Variants in WDPCP observed in about 807,000 individuals in gnomAD.
The protein encoded by WDPCP is WD repeat-containing and planar cell polarity effector protein fritz homolog.
A neutral mutation model predicts 93.1 loss-of-function variants in WDPCP; 71 were observed. The ratio of observed to expected loss-of-function variants is 0.76; its 90% CI spans 0.63 to 0.93. The LOEUF (loss-of-function observed/expected upper bound fraction) is 0.93. Ranked by LOEUF, WDPCP falls within the 40% of genes least tolerant of loss-of-function variation. The pLI is 0.00. For missense variants in WDPCP, 844 were observed against 887.4 expected, an observed-to-expected ratio of 0.95 and a Z score of 0.62; for synonymous variants, 315 against 315.0, an observed-to-expected ratio of 1.00 and a Z score of 0.00.
intron 15 of WDPCP, among the ~76,000 whole-genome samples, chr2:63,161,436 G>A (rs768479262): frequency 3.3e-5 from 5 of 152,148 alleles, no homozygotes; most frequent in Non-Finnish European, 7.3e-5. Context: ...ATGGCACAGA[G>A]ATAATAAATA....
At chr2:63,305,643 G>C (rs1421388008) in intron 13 of WDPCP, among the ~76,000 whole-genome samples, 1 of 152,108 alleles carries the variant, frequency 6.6e-6, no homozygotes, top group Non-Finnish European at 1.5e-5. Flanking sequence ...CCAGAAAGCT[G>C]CTTCTCCTCC....
chr2:63,637,460 A>G (rs1018627423), intron 3 of WDPCP, among the ~76,000 whole-genome samples: 2 of 151,838 alleles, frequency 1.3e-5, no homozygotes, highest in Non-Finnish European at 2.9e-5. Context: ...AAACTAAACA[A>G]TCAACAAAAT....
At chr2:63,622,707 C>T (rs954615678) in intron 3 of WDPCP, 158 of 1,613,480 alleles carry the variant, frequency 9.8e-5, no homozygotes, top group African/African-American at 3.9e-4. Flanking sequence ...GGTCACCTCC[C>T]GGTGTACTAT....
intron 13 of WDPCP, among the ~76,000 whole-genome samples, chr2:63,293,127 A>T (rs1684570076): frequency 6.6e-6 from 1 of 152,126 alleles, no homozygotes; most frequent in South Asian, 2.1e-4. Flanking sequence ...CCTTGCCTGA[A>T]GTGACTTGTA....
At chr2:63,602,123 A>G (rs1322938887) in intron 3 of WDPCP, among the ~76,000 whole-genome samples, 3 of 152,244 alleles carry the variant, frequency 2.0e-5, no homozygotes, top group Non-Finnish European at 2.9e-5. Flanking sequence ...TAGATCGGTC[A>G]AAAGTGATTT....
At chr2:63,602,640 A>G (rs1021132184) in intron 3 of WDPCP, among the ~76,000 whole-genome samples, 1 of 152,164 alleles carries the variant, frequency 6.6e-6, no homozygotes, top group Admixed American at 6.5e-5. Flanking sequence ...GTCAAGGTAC[A>G]GAATTTCTTC....
rs945636285 is a variant in WDPCP, at chr2:63,594,430, T to G, written n.488+56229A>C. The G allele has an allele frequency of 4.9e-6, 6 of 1,230,178 alleles. No homozygotes were observed. In the East Asian group the frequency reaches 1.2e-4, roughly 24 times the overall value. 76.2% of individuals were successfully genotyped at this position (1,230,178 alleles called of 1,614,324 possible). On this transcript the variant is annotated intron_variant and non_coding_transcript_variant, in intron 3 of 4. Transcript: ENST00000467687. ...GATTTCTTACTATAGATTAAAATCC[T>G]GGATATTTTTAAGGTACAGTAGTAC...
intron 14 of WDPCP, among the ~76,000 whole-genome samples, chr2:63,187,196 G>T (rs1393069064): frequency 6.6e-6 from 1 of 152,002 alleles, no homozygotes; most frequent in Non-Finnish European, 1.5e-5. Flanking sequence ...CTGTCTTTTG[G>T]TTATTGTCTG....
intron 1 of WDPCP, among the ~76,000 whole-genome samples, chr2:63,557,213 A>G (rs1414989348): frequency 6.6e-6 from 1 of 152,222 alleles, no homozygotes; most frequent in Admixed American, 6.5e-5. Flanking sequence ...ACACAGAATG[A>G]CAAGCTAGAT....
intron 1 of WDPCP, among the ~76,000 whole-genome samples, chr2:63,567,104 A>C (rs943106451): frequency 2.0e-5 from 3 of 152,130 alleles, no homozygotes; most frequent in African/African-American, 7.2e-5. Context: ...GTGTTCACCA[A>C]CCCAGAAGCT....
chr2:63,290,052 T>G (rs986855068), intron 13 of WDPCP, among the ~76,000 whole-genome samples: 3 of 152,054 alleles, frequency 2.0e-5, no homozygotes, highest in African/African-American at 7.2e-5. Context: ...AAAATTCATG[T>G]CTGCTTTTTG....
At chr2:63,666,614 T>C (rs1296844573) in intron 2 of WDPCP, among the ~76,000 whole-genome samples, 1 of 152,230 alleles carries the variant, frequency 6.6e-6, no homozygotes, top group East Asian at 1.9e-4. Context: ...TGTGTGCTAA[T>C]GACTGATTCT....
At chr2:63,397,501 T>G (rs2105100779) in intron 10 of WDPCP, among the ~76,000 whole-genome samples, 1 of 152,126 alleles carries the variant, frequency 6.6e-6, no homozygotes, top group East Asian at 1.9e-4. Flanking sequence ...ATAACAAAAC[T>G]GAAAATAAAG....
intron 2 of WDPCP, among the ~76,000 whole-genome samples, chr2:63,775,767 G>T (rs1188033610): frequency 1.3e-5 from 2 of 152,150 alleles, no homozygotes; most frequent in Non-Finnish European, 2.9e-5. Flanking sequence ...ACTATCTTCT[G>T]TTGTTTTATG....
intron 14 of WDPCP, among the ~76,000 whole-genome samples, chr2:63,233,873 T>G (rs1679145134): frequency 6.6e-6 from 1 of 152,102 alleles, no homozygotes; most frequent in African/African-American, 2.4e-5. Flanking sequence ...AGCCTCTTGC[T>G]CAGCCAAGGT....
At position 63,801,635 on chromosome 2, in the gene WDPCP, G is replaced by T. The variant is rs187349212; in HGVS notation, n.308+11987C>A. Among the ~76,000 whole-genome samples, 16 of 152,292 alleles carry T rather than the reference G, an allele frequency of 1.1e-4. No homozygotes were observed. In the South Asian group the frequency reaches 1.7e-3, roughly 16 times the overall value. On this transcript the variant is annotated intron_variant and non_coding_transcript_variant, in intron 2 of 4. Coordinates refer to the WDPCP transcript ENST00000467687. ...TACTTTTAGAATCCTGCTGATTGGTGCATTTTACAGAACACTGATTGGTGC... is the reference window on the plus strand; with the variant it reads ...TACTTTTAGAATCCTGCTGATTGGTTCATTTTACAGAACACTGATTGGTGC...
intron 1 of WDPCP, among the ~76,000 whole-genome samples, chr2:63,528,913 T>A (rs1053310851): frequency 1.3e-5 from 2 of 152,240 alleles, no homozygotes; most frequent in Admixed American, 1.3e-4. Context: ...GTAGTTCTCC[T>A]TGAAGAGGTT....
At chr2:63,277,246 A>C (rs894039647) in intron 13 of WDPCP, among the ~76,000 whole-genome samples, 1 of 152,148 alleles carries the variant, frequency 6.6e-6, no homozygotes, top group Non-Finnish European at 1.5e-5. Context: ...TCTTGAAATA[A>C]ATCCTCAAAA....
At chr2:63,147,850 TCTCAGCTA>T (rs1342847426) in intron 17 of WDPCP, among the ~76,000 whole-genome samples, 2 of 151,780 alleles carry the variant, frequency 1.3e-5, no homozygotes, top group African/African-American at 2.4e-5. Flanking sequence ...GTGCCTGTTA[TCTCAGCTA>T]CTTGGGAGGC....
Sources: gnomAD v4.1 joint callset for allele counts (sites outside exome capture counted in the v4.1 genomes callset) on GRCh38, gnomAD v4.1.1 for gene constraint, MANE v1.5 for transcripts, NCBI Gene and HGNC (gene_info 2026-07-23, HGNC 2026-07-21) for gene names.